The following GPR137C variants were observed in gnomAD, a reference collection of about 807,000 sequenced individuals.
The protein encoded by GPR137C is G protein-coupled receptor 137C, also known as integral membrane protein GPR137C.
Under a neutral mutation model 43.4 loss-of-function variants are expected in GPR137C, and 27 were observed. That is an observed-to-expected ratio of 0.62 (90% CI 0.46 to 0.86). GPR137C has a LOEUF of 0.86. GPR137C is among the 40% of genes least tolerant of loss of function. The pLI is 0.00. For missense variants in GPR137C, 522 were observed against 534.6 expected (o/e 0.98, Z 0.23); for synonymous variants, 285 against 226.9 (o/e 1.26, Z -2.30).
intron 3 of GPR137C, among the ~76,000 whole-genome samples, chr14:52,629,132 C>T (rs1270698676): frequency 3.3e-5 from 5 of 152,178 alleles, no homozygotes; most frequent in African/African-American, 7.2e-5. Flanking sequence ...TAGAATTGGA[C>T]AGTTTGGTGG....
rs1301566366 is a variant in GPR137C, at chr14:52,631,247, A to G, written c.718-913A>G. On this transcript the variant is annotated intron_variant, in intron 3 of 6. Transcript: ENST00000321662. ...ATTAGAAAGTTATCAAGGCCAGAGG[A>G]CAGTTAGCTTAGGTGGAGGATTCTC... 2.6e-5 allele frequency among the ~76,000 whole-genome samples: 4 copies of G among 152,270 alleles called. No homozygotes were observed. In the East Asian group the frequency reaches 7.7e-4, roughly 29 times the overall value.
intron 3 of GPR137C, among the ~76,000 whole-genome samples, chr14:52,617,077 A>G (rs2039107963): frequency 2.0e-5 from 3 of 152,172 alleles, no homozygotes; most frequent in South Asian, 2.1e-4. Context: ...TCTGGCTGCT[A>G]TGTTCAGAGG....
intron 3 of GPR137C, among the ~76,000 whole-genome samples, chr14:52,628,157 A>G (rs1044781184): frequency 1.3e-5 from 2 of 152,206 alleles, no homozygotes; most frequent in African/African-American, 4.8e-5. Flanking sequence ...CTGACATGAG[A>G]AAGACAGATT....
chr14:52,578,026 AC>A (rs2038589712), intron 1 of GPR137C, among the ~76,000 whole-genome samples: 1 of 152,148 alleles, frequency 6.6e-6, no homozygotes, highest in Non-Finnish European at 1.5e-5. Flanking sequence ...TTTATCAGAG[AC>A]CACTATGAAC....
chr14:52,571,790 C>CA (rs1266680923), intron 1 of GPR137C, among the ~76,000 whole-genome samples: 10 of 152,132 alleles, frequency 6.6e-5, no homozygotes, highest in Non-Finnish European at 1.5e-4. Context: ...AAAAAACCTT[C>CA]AAAAAATCAA....
intron 3 of GPR137C, among the ~76,000 whole-genome samples, chr14:52,624,723 C>A (rs75047518): frequency 1.2e-3 from 160 of 133,042 alleles, no homozygotes; most frequent in African/African-American, 1.3e-3. Flanking sequence ...TATGCTGTCT[C>A]AAAAAAAAAA....
intron 3 of GPR137C, among the ~76,000 whole-genome samples, chr14:52,627,340 C>T (rs557559553): frequency 2.0e-5 from 3 of 152,258 alleles, no homozygotes; most frequent in African/African-American, 7.2e-5. Context: ...CTGCAGTGAG[C>T]TTTGATCACA....
At chr14:52,573,235 A>G (rs1261878151) in intron 1 of GPR137C, among the ~76,000 whole-genome samples, 5 of 152,248 alleles carry the variant, frequency 3.3e-5, no homozygotes, top group Admixed American at 6.5e-5. Flanking sequence ...TAAATTTCAT[A>G]TGGAACCAAA....
chr14:52,601,444 A>C (rs2038922563), intron 3 of GPR137C, among the ~76,000 whole-genome samples: 1 of 151,600 alleles, frequency 6.6e-6, no homozygotes, highest in African/African-American at 2.4e-5. Flanking sequence ...TTTACTTTTT[A>C]AATATATTTC....
At chr14:52,631,380 G>C (rs559087045) in intron 3 of GPR137C, among the ~76,000 whole-genome samples, 1 of 151,982 alleles carries the variant, frequency 6.6e-6, no homozygotes, top group Non-Finnish European at 1.5e-5. Context: ...CACTATACTG[G>C]GTGTTTCTGT....
At chr14:52,629,189 C>A (rs1180589580) in intron 3 of GPR137C, among the ~76,000 whole-genome samples, 1 of 152,176 alleles carries the variant, frequency 6.6e-6, no homozygotes, top group African/African-American at 2.4e-5. Flanking sequence ...AATTGTACAT[C>A]CATTTTGGGA....
At chr14:52,581,139 T>G (rs1428867698) in intron 1 of GPR137C, among the ~76,000 whole-genome samples, 2 of 145,160 alleles carry the variant, frequency 1.4e-5, no homozygotes, top group Non-Finnish European at 3.0e-5. Context: ...GAGGTTGCAG[T>G]GAGCCGAGAT....
At chr14:52,611,870 A>T in intron 3 of GPR137C, 1 of 825,974 alleles carries the variant, frequency 1.2e-6, no homozygotes, top group Non-Finnish European at 1.5e-6. Flanking sequence ...GGAAAGTCAT[A>T]GTATATTACG....
intron 1 of GPR137C, among the ~76,000 whole-genome samples, chr14:52,570,585 C>T (rs1033323926): frequency 8.5e-5 from 13 of 152,078 alleles, no homozygotes; most frequent in African/African-American, 1.4e-4. Flanking sequence ...CATTGATGTC[C>T]TATATTCAGG....
At chr14:52,616,481 G>C (rs1234817448) in intron 3 of GPR137C, among the ~76,000 whole-genome samples, 1 of 152,118 alleles carries the variant, frequency 6.6e-6, no homozygotes, top group Non-Finnish European at 1.5e-5. Flanking sequence ...TGTAAGTACA[G>C]ATGGGTTTCA....
chr14:52,605,471 A>G (rs528967474), intron 3 of GPR137C, among the ~76,000 whole-genome samples: 1 of 152,324 alleles, frequency 6.6e-6, no homozygotes, highest in South Asian at 2.1e-4. Context: ...TTTTCAAAAT[A>G]TGAGATCATA....
At chr14:52,581,832 G>A (rs1386800948) in intron 1 of GPR137C, among the ~76,000 whole-genome samples, 1 of 152,130 alleles carries the variant, frequency 6.6e-6, no homozygotes, top group Non-Finnish European at 1.5e-5. Context: ...ATGCTCTCCA[G>A]TAAAGTTTCT....
Position 52,553,600 on chromosome 14 carries a change from G to A in GPR137C, c.444+9G>A. 1 of 1,555,682 alleles carries A rather than the reference G, an allele frequency of 6.4e-7. No individual in the cohort carries two copies. On this transcript the variant is annotated intron_variant, in intron 1 of 6. Coordinates refer to ENST00000321662, the MANE Select transcript of GPR137C (RefSeq NM_001099652.2). ...ACCTCTACCTGGCGGAGGTAAGGCGGGAGGGCCGGCATGCGGGGCCCGGGC... is the reference window on the plus strand; with the variant it reads ...ACCTCTACCTGGCGGAGGTAAGGCGAGAGGGCCGGCATGCGGGGCCCGGGC...
chr14:52,577,518 A>G (rs76138149), intron 1 of GPR137C, among the ~76,000 whole-genome samples: 6,868 of 101,906 alleles, frequency 0.067, 356 homozygotes, highest in East Asian at 0.37. Flanking sequence ...GCGCGCGCGC[A>G]CACACACACA....
Sources: allele counts gnomAD v4.1 joint callset (sites outside exome capture counted in the v4.1 genomes callset), GRCh38; gene constraint gnomAD v4.1.1; transcripts MANE v1.5; gene names NCBI Gene and HGNC (gene_info 2026-07-23, HGNC 2026-07-21).